SPIDR: variants seen among roughly 807,000 people sequenced by gnomAD.
SPIDR encodes DNA repair-scaffolding protein.
Under a neutral mutation model 104.6 loss-of-function variants are expected in SPIDR, and 93 were observed. The observed-to-expected ratio is 0.89, with a 90% CI of 0.75 to 1.06. The LOEUF (loss-of-function observed/expected upper bound fraction) is 1.06. Among genes scored for constraint, SPIDR ranks in the 50% least tolerant of loss-of-function variants. SPIDR has a pLI of 0.00. For missense variants in SPIDR, 1,154 were observed against 1,111.2 expected, an observed-to-expected ratio of 1.04 and a Z score of -0.55; for synonymous variants, 431 against 416.9, an observed-to-expected ratio of 1.03 and a Z score of -0.41.
intron 8 of SPIDR, among the ~76,000 whole-genome samples, chr8:47,578,346 C>T (rs770847100): frequency 2.0e-5 from 3 of 152,092 alleles, no homozygotes; most frequent in Non-Finnish European, 4.4e-5. Flanking sequence ...GTGGCAGGCA[C>T]CTGTAATCCC....
chr8:47,606,304 G>A (rs944191014), intron 10 of SPIDR, among the ~76,000 whole-genome samples: 2 of 151,934 alleles, frequency 1.3e-5, no homozygotes, highest in Admixed American at 6.6e-5. Context: ...TGGATCACGA[G>A]GTCAAGAGAT....
chr8:47,426,339 A>G (rs1195659558), intron 7 of SPIDR, among the ~76,000 whole-genome samples: 1 of 152,144 alleles, frequency 6.6e-6, no homozygotes, highest in African/African-American at 2.4e-5. Flanking sequence ...CACTACAGCA[A>G]TATTGTAAAT....
intron 8 of SPIDR, among the ~76,000 whole-genome samples, chr8:47,543,458 T>A (rs2088642359): frequency 6.6e-6 from 1 of 152,204 alleles, no homozygotes; most frequent in African/African-American, 2.4e-5. Flanking sequence ...AGGAGAGCTT[T>A]ATTTCTCATA....
At chr8:47,331,339 T>G (rs1191335351) in intron 5 of SPIDR, among the ~76,000 whole-genome samples, 1 of 152,230 alleles carries the variant, frequency 6.6e-6, no homozygotes, top group Non-Finnish European at 1.5e-5. Flanking sequence ...AGAGTGTTCT[T>G]ACTCAAACCT....
chr8:47,293,087 TTC>T (rs2040221380), intron 4 of SPIDR, among the ~76,000 whole-genome samples: 1 of 152,098 alleles, frequency 6.6e-6, no homozygotes, highest in Non-Finnish European at 1.5e-5. Flanking sequence ...ATGCATCTGC[TTC>T]TCTCAGTGGT....
At chr8:47,480,973 C>T (rs1402177523) in intron 8 of SPIDR, among the ~76,000 whole-genome samples, 1 of 152,190 alleles carries the variant, frequency 6.6e-6, no homozygotes, top group Non-Finnish European at 1.5e-5. Flanking sequence ...CAAAAAGAGA[C>T]ATTGAAAAGT....
At chr8:47,483,681 T>C (rs905461456) in intron 8 of SPIDR, among the ~76,000 whole-genome samples, 1 of 152,314 alleles carries the variant, frequency 6.6e-6, no homozygotes, top group South Asian at 2.1e-4. Flanking sequence ...GTATGCTCTT[T>C]TTTCTAGGGA....
At chr8:47,472,243 T>G (rs1554721484) in intron 8 of SPIDR, among the ~76,000 whole-genome samples, 1 of 152,232 alleles carries the variant, frequency 6.6e-6, no homozygotes, top group African/African-American at 2.4e-5. Context: ...GCTCTGGGGC[T>G]AACCCCTCCT....
At chr8:47,411,250 G>A (rs752724986) in intron 7 of SPIDR, among the ~76,000 whole-genome samples, 6 of 152,200 alleles carry the variant, frequency 3.9e-5, no homozygotes, top group Non-Finnish European at 8.8e-5. Context: ...CTTCCACAAT[G>A]ATTGAACTAG....
At chr8:47,290,714 C>T (rs1281048183) in intron 3 of SPIDR, among the ~76,000 whole-genome samples, 3 of 151,978 alleles carry the variant, frequency 2.0e-5, no homozygotes, top group South Asian at 2.1e-4. Flanking sequence ...CATCAAATAC[C>T]CCAGAAAGTT....
At position 47,324,154 on chromosome 8, in the gene SPIDR, A is replaced by G. The variant is rs199844662; in HGVS notation, c.525+30124A>G. On this transcript the variant is annotated intron_variant, in intron 5 of 19. Coordinates refer to ENST00000297423, the MANE Select transcript of SPIDR (RefSeq NM_001080394.4). ...TTTATAGATACCTCATTTAATTCTT[A>G]CCATTCTATTAATAAAATACATTTT... is the stretch of plus-strand genomic sequence containing the variant. 9.2e-5 allele frequency among the ~76,000 whole-genome samples: 14 copies of G among 152,290 alleles called. No individual in the cohort carries two copies. The East Asian group carries it at 2.1e-3, about 23-fold the overall frequency.
In SPIDR at chr8:47,702,012, A is replaced by G. The variant is rs767283819; in HGVS notation, c.1974A>G (p.Pro658=). 38 of 1,612,062 alleles carry G rather than the reference A, an allele frequency of 2.4e-5. No individual in the cohort carries two copies. Among genetic ancestry groups the G allele is most frequent in the Non-Finnish European group, 3.2e-5 (38 of 1,179,196 alleles). Residue 658 remains proline, a synonymous_variant, in exon 14 of 20, where the codon CCA becomes CCG. Transcript: ENST00000297423. ...ATGCCACGGTGATTTACCAAAAACC[A>G]CAGGTAATAATCTCTCTCAATCTCT... The part of the protein sequence containing the change: ...SFYATVIYQK[P]QLKSLLLLEQ...
rs184295388 is a variant in SPIDR at position 47,706,599 on chromosome 8, G to A, written c.1977+4584G>A. 6.7e-3 allele frequency among the ~76,000 whole-genome samples: 1,018 copies of A among 152,206 alleles called. 9 individuals carry two copies. The highest frequency in any genetic ancestry group is 0.01 in the Non-Finnish European group (693 of 68,008). ...GCCATCACCAACGATTCCTGTGTTC[G>A]CCTTTATAGCCACGTCGATCCTTTT... On this transcript the variant is annotated intron_variant, in intron 14 of 19. Coordinates refer to ENST00000297423, the MANE Select transcript of SPIDR (RefSeq NM_001080394.4).
At chr8:47,578,699 A>G (rs901280805) in intron 8 of SPIDR, among the ~76,000 whole-genome samples, 10 of 152,166 alleles carry the variant, frequency 6.6e-5, no homozygotes, top group Admixed American at 3.3e-4. Context: ...AAAAAAATGC[A>G]TTTATTTACT....
intron 5 of SPIDR, among the ~76,000 whole-genome samples, chr8:47,297,315 T>C (rs2041036580): frequency 6.6e-6 from 1 of 152,198 alleles, no homozygotes. Context: ...TTTTACCTTT[T>C]TCCAGGGAGC....
At chr8:47,288,359 C>G (rs1439628996) in intron 3 of SPIDR, among the ~76,000 whole-genome samples, 2 of 151,746 alleles carry the variant, frequency 1.3e-5, no homozygotes, top group Non-Finnish European at 2.9e-5. Context: ...GATCTCTGCT[C>G]ACTGCAACCT....
intron 8 of SPIDR, among the ~76,000 whole-genome samples, chr8:47,589,209 C>A (rs2060685475): frequency 1.3e-5 from 2 of 151,818 alleles, no homozygotes; most frequent in Non-Finnish European, 2.9e-5. Flanking sequence ...CTGGAGATAC[C>A]ACTTTTGGGA....
intron 8 of SPIDR, among the ~76,000 whole-genome samples, chr8:47,457,190 C>G (rs1554710357): frequency 6.6e-6 from 1 of 152,150 alleles, no homozygotes; most frequent in African/African-American, 2.4e-5. Context: ...ACACTGTTTT[C>G]CATAGTGGTT....
intron 8 of SPIDR, among the ~76,000 whole-genome samples, chr8:47,498,330 G>T (rs2079787609): frequency 6.6e-6 from 1 of 152,114 alleles, no homozygotes; most frequent in African/African-American, 2.4e-5. Flanking sequence ...AATAACTGAG[G>T]TCAGCAGTTT....
Sources: gnomAD v4.1 joint callset for allele counts (sites outside exome capture counted in the v4.1 genomes callset) on GRCh38, gnomAD v4.1.1 for gene constraint, MANE v1.5 for transcripts, NCBI Gene and HGNC (gene_info 2026-07-23, HGNC 2026-07-21) for gene names.